The following BBS9 variants were observed in gnomAD, a reference collection of about 807,000 sequenced individuals.
BBS9 encodes the protein Bardet-Biedl syndrome 9.
A neutral mutation model predicts 117.7 loss-of-function variants in BBS9; 89 were observed. The observed-to-expected ratio is 0.76, with a 90% confidence interval of 0.64 to 0.90. The LOEUF (loss-of-function observed/expected upper bound fraction) is 0.90. Among genes scored for constraint, BBS9 ranks in the 40% least tolerant of loss-of-function variants. The pLI, the probability that BBS9 is intolerant of heterozygous loss-of-function variation, is 0.00. For missense variants in BBS9, 982 were observed against 1,042.2 expected (o/e 0.94, Z 0.80); for synonymous variants, 379 against 370.9 (o/e 1.02, Z -0.25).
At chr7:33,323,216 G>A (rs187366810) in intron 9 of BBS9, among the ~76,000 whole-genome samples, 1 of 152,238 alleles carries the variant, frequency 6.6e-6, no homozygotes. Flanking sequence ...GCAGCCGTTA[G>A]ATGAAATATT....
At chr7:33,215,281 G>T (rs1788838454) in intron 5 of BBS9, among the ~76,000 whole-genome samples, 2 of 152,244 alleles carry the variant, frequency 1.3e-5, no homozygotes, top group African/African-American at 4.8e-5. Context: ...GCATAGTACT[G>T]GCATAAAAAA....
At chr7:33,157,169 C>G (rs963760476) in intron 4 of BBS9, among the ~76,000 whole-genome samples, 1 of 152,058 alleles carries the variant, frequency 6.6e-6, no homozygotes, top group African/African-American at 2.4e-5. Flanking sequence ...TGGTCCTGCT[C>G]GAACTATGGG....
intron 19 of BBS9, among the ~76,000 whole-genome samples, chr7:33,424,658 T>C (rs1833386115): frequency 6.6e-6 from 1 of 152,076 alleles, no homozygotes; most frequent in African/African-American, 2.4e-5. Flanking sequence ...AAGCAGAGGG[T>C]TTAACAGAAT....
intron 17 of BBS9, chr7:33,380,035 CTG>C (rs1824668496): frequency 6.5e-6 from 1 of 153,814 alleles, no homozygotes; most frequent in Non-Finnish European, 1.4e-5. Context: ...AGGGCGAAGA[CTG>C]TGAGCAGCTG....
chr7:33,336,552 A>G lies in BBS9; in HGVS notation c.1128A>G (p.Leu376=), dbSNP rs770729280. 6.2e-7 allele frequency: 1 copy of G among 1,613,414 alleles called. No individual in the cohort carries two copies. Among genetic ancestry groups the G allele is most frequent in the South Asian group, 1.1e-5 (1 of 90,998 alleles). The change falls in exon 10 of 23, where the codon CTA becomes CTG. Residue 376 remains leucine, a synonymous_variant. Transcript: ENST00000242067. ...CTCCAAACGTTCAATCTCGAGAACTAAACTATGATGAACTTGATGTAGAAA... is the reference window on the plus strand; with the variant it reads ...CTCCAAACGTTCAATCTCGAGAACTGAACTATGATGAACTTGATGTAGAAA... ...FQAPNVQSRE[L]NYDELDVEMK...
intron 19 of BBS9, among the ~76,000 whole-genome samples, chr7:33,484,909 A>T (rs188913015): frequency 6.6e-6 from 1 of 152,362 alleles, no homozygotes; most frequent in Admixed American, 6.5e-5. Context: ...CCTGTCAATG[A>T]TAGCATGGAT....
chr7:33,357,973 C>T lies in BBS9; in HGVS notation c.1671C>T (p.Val557=). ...CTATTGATACCAACAAATCTCCAGTCAGTCTTCTTAGTCTCTTCCCAGGTA... is the reference window on the plus strand; with the variant it reads ...CTATTGATACCAACAAATCTCCAGTTAGTCTTCTTAGTCTCTTCCCAGGTA... ...KITIDTNKSP[V]SLLSLFPGFA... The change falls in exon 16 of 23, where the codon GTC becomes GTT. Residue 557 remains valine, a synonymous_variant. Transcript: ENST00000242067. 1.9e-6 allele frequency: 3 copies of T among 1,612,418 alleles called. No homozygotes were observed. Among genetic ancestry groups the T allele is most frequent in the Non-Finnish European group, 2.5e-6 (3 of 1,178,866 alleles).
intron 5 of BBS9, among the ~76,000 whole-genome samples, chr7:33,226,155 A>G (rs1001439272): frequency 2.0e-5 from 3 of 152,194 alleles, no homozygotes; most frequent in Non-Finnish European, 4.4e-5. Context: ...GTGCAGTTTG[A>G]AAAGTGATCC....
chr7:33,354,242 ATGT>A (rs1277225609), intron 15 of BBS9, among the ~76,000 whole-genome samples: 7 of 152,154 alleles, frequency 4.6e-5, no homozygotes, highest in Non-Finnish European at 8.8e-5. Context: ...AGAAAATAAT[ATGT>A]TGCCACTTAG....
At chr7:33,615,589 T>C (rs1865090218) in intron 21 of BBS9, among the ~76,000 whole-genome samples, 1 of 151,856 alleles carries the variant, frequency 6.6e-6, no homozygotes, top group South Asian at 2.1e-4. Flanking sequence ...ATGTTAGACA[T>C]CTACAGAGAT....
intron 19 of BBS9, among the ~76,000 whole-genome samples, chr7:33,498,028 G>A (rs970677581): frequency 1.4e-4 from 21 of 152,132 alleles, no homozygotes; most frequent in African/African-American, 4.8e-4. Flanking sequence ...GAAATGAACA[G>A]CAGGGATGTT....
At chr7:33,282,325 C>A (rs1027457659) in intron 9 of BBS9, among the ~76,000 whole-genome samples, 1 of 152,082 alleles carries the variant, frequency 6.6e-6, no homozygotes, top group African/African-American at 2.4e-5. Context: ...TACACACGTG[C>A]AAATTTAGGC....
At chr7:33,463,578 C>A (rs73317017) in intron 19 of BBS9, among the ~76,000 whole-genome samples, 12,844 of 152,072 alleles carry the variant, frequency 0.084, 571 homozygotes, top group South Asian at 0.14. Flanking sequence ...TTCTCTTAGT[C>A]TCTTATTTTT....
At chr7:33,522,496 AGTG>A (rs1432501569) in intron 20 of BBS9, among the ~76,000 whole-genome samples, 1 of 152,054 alleles carries the variant, frequency 6.6e-6, no homozygotes, top group Non-Finnish European at 1.5e-5. Context: ...TCTGATGGCC[AGTG>A]ATGATGAGCA....
intron 19 of BBS9, among the ~76,000 whole-genome samples, chr7:33,446,531 GA>G (rs1837020382): frequency 1.3e-5 from 2 of 152,236 alleles, no homozygotes; most frequent in Non-Finnish European, 2.9e-5. Flanking sequence ...CTATTGCCAT[GA>G]TCAAACAACC....
chr7:33,570,526 A>T (rs1322504996), intron 21 of BBS9, among the ~76,000 whole-genome samples: 4 of 152,198 alleles, frequency 2.6e-5, no homozygotes, highest in African/African-American at 9.6e-5. Context: ...TTAGACAAAC[A>T]TCACAATAGC....
At chr7:33,302,867 G>A (rs1311799974) in intron 9 of BBS9, among the ~76,000 whole-genome samples, 1 of 152,066 alleles carries the variant, frequency 6.6e-6, no homozygotes, top group African/African-American at 2.4e-5. Flanking sequence ...GATTGCTTTG[G>A]GTAGTATGGA....
chr7:33,518,006 A>G (rs1848053815), intron 20 of BBS9, among the ~76,000 whole-genome samples: 1 of 152,220 alleles, frequency 6.6e-6, no homozygotes, highest in Non-Finnish European at 1.5e-5. Context: ...ACACTAAAAC[A>G]AACTCAAGCT....
rs1207714145 is a variant in BBS9, at chr7:33,388,198, A to AC, written c.2115+57dup. On this transcript the variant is annotated intron_variant, in intron 19 of 22. Coordinates refer to ENST00000242067, the MANE Select transcript of BBS9 (RefSeq NM_198428.3). ...ATTACTGGCTATACTTTTTTTTGTC[A>AC]CCCTAGAGTCATGTACCAGAATATC... 3.2e-6 allele frequency: 5 copies of AC among 1,583,546 alleles called. No homozygotes were observed. The Admixed American group carries it at 6.7e-5, about 21-fold the overall frequency.
Sources: gnomAD v4.1 joint callset for allele counts (sites outside exome capture counted in the v4.1 genomes callset) on GRCh38, gnomAD v4.1.1 for gene constraint, MANE v1.5 for transcripts, NCBI Gene and HGNC (gene_info 2026-07-23, HGNC 2026-07-21) for gene names.